The following NOL4 variants were observed in gnomAD, a reference collection of about 807,000 sequenced individuals.
NOL4 encodes cancer/testis antigen 125.
Under a neutral mutation model 75.9 loss-of-function variants are expected in NOL4, and 17 were observed. That is an observed-to-expected ratio of 0.22 (90% CI 0.15 to 0.34). NOL4 has a LOEUF of 0.34. NOL4 is among the 10% of genes least tolerant of loss of function. The pLI, the probability that NOL4 is intolerant of heterozygous loss-of-function variation, is 1.00. For synonymous variants in NOL4, 292 were observed against 289.9 expected (o/e 1.01, Z -0.07); for missense variants, 614 against 793.5 (o/e 0.77, Z 2.72).
At chr18:34,132,215 G>A (rs1289878379) in intron 1 of NOL4, among the ~76,000 whole-genome samples, 2 of 152,148 alleles carry the variant, frequency 1.3e-5, no homozygotes, top group African/African-American at 4.8e-5. Flanking sequence ...AGCCTAATCA[G>A]ATAATCCAAA....
chr18:34,093,929 C>A (rs1025103795), intron 4 of NOL4, among the ~76,000 whole-genome samples: 1 of 151,956 alleles, frequency 6.6e-6, no homozygotes, highest in African/African-American at 2.4e-5. Flanking sequence ...GTAGTCCCAG[C>A]TACTTGGGAG....
chr18:33,872,690 C>T (rs1481035702), intron 10 of NOL4, among the ~76,000 whole-genome samples: 1 of 151,694 alleles, frequency 6.6e-6, no homozygotes, highest in Non-Finnish European at 1.5e-5. Flanking sequence ...CACTATTTTG[C>T]CTATTGAAAA....
intron 6 of NOL4, among the ~76,000 whole-genome samples, chr18:33,982,742 ATTT>A (rs953221382): frequency 7.6e-5 from 8 of 104,900 alleles, no homozygotes; most frequent in African/African-American, 2.5e-4. Flanking sequence ...AGACAATGGG[ATTT>A]TTTTTTTTTT....
chr18:33,876,092 C>A (rs1365434810), intron 10 of NOL4, among the ~76,000 whole-genome samples: 1 of 152,110 alleles, frequency 6.6e-6, no homozygotes, highest in Middle Eastern at 3.4e-3. Context: ...TCCAACTTCG[C>A]TTCTCTTAAA....
At chr18:34,170,149 T>C (rs2032873827) in intron 1 of NOL4, among the ~76,000 whole-genome samples, 1 of 151,864 alleles carries the variant, frequency 6.6e-6, no homozygotes, top group African/African-American at 2.4e-5. Context: ...ATGTGAATAG[T>C]CTGAATTGAG....
intron 6 of NOL4, among the ~76,000 whole-genome samples, chr18:34,018,937 C>A (rs1380186003): frequency 6.6e-6 from 1 of 152,090 alleles, no homozygotes; most frequent in African/African-American, 2.4e-5. Context: ...TTTACTTACA[C>A]CTATCCATCT....
chr18:33,960,536 C>G (rs2070027809), intron 6 of NOL4, among the ~76,000 whole-genome samples: 1 of 152,128 alleles, frequency 6.6e-6, no homozygotes, highest in South Asian at 2.1e-4. Flanking sequence ...CCTCAGCAAA[C>G]CTTTACATTA....
intron 2 of NOL4, chr18:34,121,141 A>G (rs2080122272): frequency 6.6e-6 from 1 of 152,228 alleles, no homozygotes; most frequent in Non-Finnish European, 1.5e-5. Context: ...GAGAATTCCT[A>G]AATATTGCAT....
At chr18:34,007,894 G>T (rs2074129148) in intron 6 of NOL4, among the ~76,000 whole-genome samples, 1 of 151,848 alleles carries the variant, frequency 6.6e-6, no homozygotes, top group Non-Finnish European at 1.5e-5. Context: ...TAATAAGTGG[G>T]GGACTTGTGA....
At chr18:34,024,215 A>ATATATATATATATAGATATATATATAT (rs1491509605) in intron 5 of NOL4, among the ~76,000 whole-genome samples, 1 of 127,578 alleles carries the variant, frequency 7.8e-6, no homozygotes, top group Non-Finnish European at 1.7e-5. Flanking sequence ...ATATATATAT[A>ATATATATATATATAGATATATATATAT]AAATCCTCAT....
intron 1 of NOL4, among the ~76,000 whole-genome samples, chr18:34,172,490 C>A (rs200808155): frequency 6.6e-6 from 1 of 152,062 alleles, no homozygotes; most frequent in East Asian, 1.9e-4. Flanking sequence ...AATGAACATG[C>A]GAGTGCAGAT....
At chr18:33,959,835 T>TAAAGAATG (rs2069958551) in intron 6 of NOL4, among the ~76,000 whole-genome samples, 1 of 152,022 alleles carries the variant, frequency 6.6e-6, no homozygotes, top group Admixed American at 6.6e-5. Context: ...TCTTCTTATC[T>TAAAGAATG]AAAGAATGAG....
intron 5 of NOL4, among the ~76,000 whole-genome samples, chr18:34,043,496 C>T (rs1416137878): frequency 3.3e-5 from 5 of 151,956 alleles, no homozygotes; most frequent in Non-Finnish European, 7.4e-5. Flanking sequence ...TTTTTCTTCA[C>T]CTATTCTTGT....
At chr18:34,176,395 AATAAC>A (rs2033549061) in intron 1 of NOL4, among the ~76,000 whole-genome samples, 1 of 152,064 alleles carries the variant, frequency 6.6e-6, no homozygotes, top group African/African-American at 2.4e-5. Flanking sequence ...TATGTGAAAT[AATAAC>A]AGAAGAAAAA....
At chr18:33,941,249 G>C (rs2068458812) in intron 9 of NOL4, among the ~76,000 whole-genome samples, 1 of 151,942 alleles carries the variant, frequency 6.6e-6, no homozygotes, top group South Asian at 2.1e-4. Flanking sequence ...ATCAGCTGAT[G>C]ACCAGCTTTG....
chr18:33,856,392 A>ATT (rs1388315125), intron 10 of NOL4, among the ~76,000 whole-genome samples: 2 of 152,110 alleles, frequency 1.3e-5, no homozygotes, highest in Non-Finnish European at 2.9e-5. Flanking sequence ...AATTATAAAA[A>ATT]TGTAATTGCT....
chr18:34,124,925 A>C (rs1310355457), intron 2 of NOL4, among the ~76,000 whole-genome samples: 2 of 150,952 alleles, frequency 1.3e-5, no homozygotes, highest in Non-Finnish European at 2.9e-5. Flanking sequence ...AAAAAATCAG[A>C]CAGGTCCTAT....
chr18:34,195,573 A>C (rs1043686153), intron 1 of NOL4, among the ~76,000 whole-genome samples: 2 of 151,952 alleles, frequency 1.3e-5, no homozygotes, highest in Non-Finnish European at 2.9e-5. Flanking sequence ...TTTTCAAATA[A>C]TACTGCCATG....
At position 34,071,438 on chromosome 18, in the gene NOL4, G is replaced by GACACACACACAC. The variant is rs61428886; in HGVS notation, c.772+22015_772+22026dup. On this transcript the variant is annotated intron_variant, in intron 5 of 10. Coordinates refer to ENST00000261592, the MANE Select transcript of NOL4 (RefSeq NM_003787.5). Reference sequence around the variant, plus strand: ...ACACAAATAGACAGACAGACAGACAGACACACACACACACACACACACACA... The same window carrying GACACACACACAC: ...ACACAAATAGACAGACAGACAGACAGACACACACACACACACACACACACACACACACACACA... Among the ~76,000 whole-genome samples the GACACACACACAC allele has an allele frequency of 5.7e-3, 839 of 147,784 alleles. 4 individuals are homozygous for GACACACACACAC. Among genetic ancestry groups the GACACACACACAC allele is most frequent in the African/African-American group, 9.4e-3 (376 of 40,112 alleles).
Sources: gnomAD v4.1 joint callset for allele counts (sites outside exome capture counted in the v4.1 genomes callset) on GRCh38, gnomAD v4.1.1 for gene constraint, MANE v1.5 for transcripts, NCBI Gene and HGNC (gene_info 2026-07-23, HGNC 2026-07-21) for gene names.